VIL1: variants seen among roughly 807,000 people sequenced by gnomAD.
VIL1 encodes villin-1.
A neutral mutation model predicts 104.0 loss-of-function variants in VIL1; 86 were observed. The observed-to-expected ratio is 0.83, with a 90% CI of 0.69 to 0.99. VIL1 has a LOEUF of 0.99. VIL1 is among the 50% of genes least tolerant of loss of function. The pLI is 0.00. For synonymous variants in VIL1, 394 were observed against 412.6 expected (o/e 0.95, Z 0.55); for missense variants, 944 against 1,054.1 (o/e 0.90, Z 1.45).
At chr2:218,429,165 AG>A in intron 6 of VIL1, 119 bp from the exon 7 acceptor site, 1 of 1,143,684 alleles carries the variant, frequency 8.7e-7, no homozygotes, top group Non-Finnish European at 1.2e-6. Context: ...AAAGCAGGGC[AG>A]GGGTCTCAAC....
intron 19 of VIL1, among the ~76,000 whole-genome samples, chr2:218,441,337 C>A (rs1689280966): frequency 6.7e-6 from 1 of 150,302 alleles, no homozygotes; most frequent in Admixed American, 6.6e-5. Context: ...TGCAGTGAGT[C>A]AAGATCATGC....
In VIL1 at chr2:218,423,789, T is replaced by A; in HGVS notation, c.11T>A (p.Leu4Gln). MTK[L>Q]SAQVKGSLNI... ...CCAGGCTCACTCACCATGACCAAGC[T>A]GAGCGCCCAAGTCAAAGGCTCTCTC... is the stretch of plus-strand genomic sequence containing the variant. Residue 4 changes from leucine to glutamine, a missense_variant, in exon 2 of 20, where the codon CTG becomes CAG. Leu to Gln is a moderately radical substitution (Grantham distance 113, BLOSUM62 -2). Coordinates refer to ENST00000248444, the MANE Select transcript of VIL1 (RefSeq NM_007127.3). 1 of 1,614,160 alleles carries A rather than the reference T, an allele frequency of 6.2e-7. No homozygotes were observed. The highest frequency in any genetic ancestry group is 8.5e-7 in the Non-Finnish European group (1 of 1,180,022).
At chr2:218,423,745 G>A (rs907819732) in intron 1 of VIL1, 23 bp from the exon 2 acceptor site, 1 of 1,613,180 alleles carries the variant, frequency 6.2e-7, no homozygotes, top group East Asian at 2.2e-5. Flanking sequence ...GGGTGCCCCT[G>A]CTCCCAACGC....
chr2:218,447,731 CTTTGT>C (rs1434241838), intron 19 of VIL1, among the ~76,000 whole-genome samples: 9 of 151,452 alleles, frequency 5.9e-5, no homozygotes, highest in East Asian at 2.0e-4. Context: ...GAACAACATA[CTTTGT>C]TTTGTTTTTT....
chr2:218,444,557 C>T (rs182565118), intron 19 of VIL1, among the ~76,000 whole-genome samples: 3 of 152,306 alleles, frequency 2.0e-5, no homozygotes, highest in African/African-American at 4.8e-5. Context: ...GGATTACAGG[C>T]GTGAGCCACC....
chr2:218,442,245 G>A (rs1689297010), intron 19 of VIL1, among the ~76,000 whole-genome samples: 1 of 152,124 alleles, frequency 6.6e-6, no homozygotes, highest in Non-Finnish European at 1.5e-5. Flanking sequence ...ATAGAAAACT[G>A]GATCAGGCTG....
At chr2:218,443,664 T>C (rs917726962) in intron 19 of VIL1, among the ~76,000 whole-genome samples, 1 of 150,846 alleles carries the variant, frequency 6.6e-6, no homozygotes, top group Admixed American at 6.6e-5. Flanking sequence ...TTTTCTGTGG[T>C]TTTTTTTTGA....
chr2:218,451,983 A>G lies in VIL1; in HGVS notation c.*2647A>G, dbSNP rs1574824244. 2.0e-5 allele frequency: 3 copies of G among 152,596 alleles called. No individual in the cohort carries two copies. The highest frequency in any genetic ancestry group is 4.8e-5 in the African/African-American group (2 of 41,448). The allele number at this position is 152,596 out of a possible 1,614,324, so 9.5% of individuals were successfully genotyped here. A position where few individuals can be genotyped will look rare whatever the true frequency, so the allele number is the denominator to read the frequency against. ...TGCACACACATGTGAATATATCCCTACGAAACAGTCTATCTTCTCATAGGC... is the reference window on the plus strand; with the variant it reads ...TGCACACACATGTGAATATATCCCTGCGAAACAGTCTATCTTCTCATAGGC... On this transcript the variant is annotated 3_prime_UTR_variant, in exon 20 of 20. Transcript: ENST00000248444.
chr2:218,431,841 AT>A lies in VIL1; in HGVS notation c.1103-13del. On this transcript the variant is annotated splice_polypyrimidine_tract_variant and intron_variant, in intron 10 of 19. Coordinates refer to ENST00000248444, the MANE Select transcript of VIL1 (RefSeq NM_007127.3). The stretch of plus-strand genomic sequence containing the variant: ...TCAGCTGGTGACAGTTGGTTTCATG[AT>A]TTCCCCCACTCTAGCCAAAGTGGAA... 1 of 1,608,866 alleles carries A rather than the reference AT, an allele frequency of 6.2e-7. No individual in the cohort carries two copies. The highest frequency in any genetic ancestry group is 8.5e-7 in the Non-Finnish European group (1 of 1,177,670).
intron 2 of VIL1, 22 bp from the exon 3 acceptor site, chr2:218,424,255 C>T (rs1688940857): frequency 3.1e-6 from 5 of 1,612,378 alleles, no homozygotes; most frequent in Admixed American, 1.7e-5. Context: ...GGCAGCCCCT[C>T]TGACCCTCTT....
intron 18 of VIL1, among the ~76,000 whole-genome samples, chr2:218,439,661 A>T (rs1322909070): frequency 6.6e-6 from 1 of 152,022 alleles, no homozygotes; most frequent in East Asian, 1.9e-4. Flanking sequence ...TTTACAAAAA[A>T]TAAAAAACAG....
Position 218,429,496 on chromosome 2 carries a change from C to G in VIL1, c.770+9C>G, listed in dbSNP as rs767502861. ...GCACTCAAACTGTACCAGTGAGCGC[C>G]CAGCGGGGTCTTCCTGGGTGCTGGG... On this transcript the variant is annotated intron_variant, in intron 7 of 19. Coordinates refer to ENST00000248444, the MANE Select transcript of VIL1 (RefSeq NM_007127.3). 1 of 1,613,586 alleles carries G rather than the reference C, an allele frequency of 6.2e-7. No individual in the cohort carries two copies.
chr2:218,437,581 ACT>A (rs1264662162), intron 17 of VIL1, among the ~76,000 whole-genome samples: 1 of 152,224 alleles, frequency 6.6e-6, no homozygotes, highest in Non-Finnish European at 1.5e-5. Flanking sequence ...TAAGAAATGT[ACT>A]GATTACTTAA....
Position 218,448,867 on chromosome 2 carries a change from T to C in VIL1, c.2371-356T>C, listed in dbSNP as rs376168112. On this transcript the variant is annotated intron_variant, in intron 19 of 19. Coordinates refer to ENST00000248444, the MANE Select transcript of VIL1 (RefSeq NM_007127.3). ...TAAAAACACAAAAGTTACCAGGGCA[T>C]GGTGGCGCATGCCTCTAATCTCAGC... Among the ~76,000 whole-genome samples the C allele has an allele frequency of 2.0e-5, 3 of 152,160 alleles. No individual in the cohort carries two copies. The East Asian group carries it at 5.8e-4, about 29-fold the overall frequency.
chr2:218,440,680 T>C (rs1473944678), intron 18 of VIL1, 42 bp from the exon 19 acceptor site: 2 of 1,611,214 alleles, frequency 1.2e-6, no homozygotes, highest in Admixed American at 1.7e-5. Flanking sequence ...GAGGTAGCTG[T>C]GCACCAGCTA....
Position 218,432,967 on chromosome 2 carries a change from T to C in VIL1, c.1500+16T>C, listed in dbSNP as rs151144291. ...GGTCTACCAGGTGTGGCTGCTGAAC[T>C]GAGGTGTCTGGCAGTAACCACTGTG... On this transcript the variant is annotated intron_variant, in intron 13 of 19. Transcript: ENST00000248444. 6 of 1,613,908 alleles carry C rather than the reference T, an allele frequency of 3.7e-6. No homozygotes were observed. In the East Asian group the frequency reaches 1.3e-4, roughly 36 times the overall value.
chr2:218,432,655 C>T (rs1170324580), intron 12 of VIL1, 138 bp from the exon 13 acceptor site: 1 of 1,169,452 alleles, frequency 8.6e-7, no homozygotes, highest in East Asian at 2.5e-5. Context: ...TTGGCTGTTT[C>T]ACAGTGGAGT....
chr2:218,448,145 A>G (rs1481039682), intron 19 of VIL1, among the ~76,000 whole-genome samples: 2 of 152,046 alleles, frequency 1.3e-5, no homozygotes, highest in East Asian at 3.9e-4. Context: ...CTGTGGTCCC[A>G]GCTACTCGGG....
Position 218,436,637 on chromosome 2 carries a change from G to A in VIL1, c.1971+11G>A, listed in dbSNP as rs1454941999. ...GATGTCTGGGACCAGGTAGGACCAAGGGCCTGGGGACCCCTCTTCCCAGCC... is the reference window on the plus strand; with the variant it reads ...GATGTCTGGGACCAGGTAGGACCAAAGGCCTGGGGACCCCTCTTCCCAGCC... On this transcript the variant is annotated intron_variant, in intron 16 of 19. Transcript: ENST00000248444. The A allele has an allele frequency of 1.2e-6, 2 of 1,611,486 alleles. No individual in the cohort carries two copies. The highest frequency in any genetic ancestry group is 2.7e-5 in the African/African-American group (2 of 74,828).
Sources: gnomAD v4.1 joint callset for allele counts (sites outside exome capture counted in the v4.1 genomes callset) on GRCh38, gnomAD v4.1.1 for gene constraint, MANE v1.5 for transcripts, NCBI Gene and HGNC (gene_info 2026-07-23, HGNC 2026-07-21) for gene names.